The following FAM120B variants were observed in gnomAD, a reference collection of about 807,000 sequenced individuals.
FAM120B encodes family with sequence similarity 120 member B, also known as constitutive coactivator of peroxisome proliferator-activated receptor gamma.
FAM120B carries 83 observed loss-of-function variants against 96.3 expected under a neutral mutation model. The ratio of observed to expected loss-of-function variants is 0.86; its 90% confidence interval spans 0.72 to 1.03. FAM120B has a LOEUF of 1.03. Among genes scored for constraint, FAM120B ranks in the 50% least tolerant of loss-of-function variants. FAM120B has a pLI of 0.00. For missense variants in FAM120B, 1,027 were observed against 1,121.2 expected (o/e 0.92, Z 1.20); for synonymous variants, 407 against 402.7 (o/e 1.01, Z -0.13).
At chr6:170,341,360 C>G (rs910739332) in intron 4 of FAM120B, among the ~76,000 whole-genome samples, 1 of 152,192 alleles carries the variant, frequency 6.6e-6, no homozygotes, top group African/African-American at 2.4e-5. Context: ...CAAGCTCGAT[C>G]GTCCCAGGTC....
At chr6:170,358,013 C>T (rs1392156520) in intron 5 of FAM120B, among the ~76,000 whole-genome samples, 1 of 151,718 alleles carries the variant, frequency 6.6e-6, no homozygotes, top group East Asian at 1.9e-4. Context: ...TACATGTGTG[C>T]CCATGTGTGT....
intron 1 of FAM120B, among the ~76,000 whole-genome samples, chr6:170,307,169 C>G (rs77894025): frequency 2.6e-5 from 4 of 152,254 alleles, no homozygotes; most frequent in African/African-American, 4.8e-5. Context: ...TACTCCCTCC[C>G]TTAAGATGTG....
chr6:170,290,910 G>T, upstream of FAM120B: 2 of 694,958 alleles, frequency 2.9e-6, no homozygotes, highest in South Asian at 1.5e-5. The surrounding 1 kb of genome is among the most constrained non-coding windows in gnomAD (Gnocchi z 4.7). Flanking sequence ...GGGTCTCCGC[G>T]GGTGCGCGCA....
At chr6:170,347,737 G>T (rs1168053672) in intron 4 of FAM120B, among the ~76,000 whole-genome samples, 1 of 152,062 alleles carries the variant, frequency 6.6e-6, no homozygotes, top group African/African-American at 2.4e-5. Context: ...GCACATGAAA[G>T]GTTGAAAACC....
At chr6:170,321,309 G>A (rs1562525729) in intron 2 of FAM120B, among the ~76,000 whole-genome samples, 1 of 152,186 alleles carries the variant, frequency 6.6e-6, no homozygotes. Context: ...AAGGCTGTGG[G>A]CACAACAGTT....
At chr6:170,400,861 C>T (rs901811935) in intron 9 of FAM120B, among the ~76,000 whole-genome samples, 1 of 152,170 alleles carries the variant, frequency 6.6e-6, no homozygotes, top group South Asian at 2.1e-4. Context: ...CCATCTGCTT[C>T]TCCCAGGGCT....
At chr6:170,372,208 T>G (rs1013519361) in intron 6 of FAM120B, among the ~76,000 whole-genome samples, 1 of 152,224 alleles carries the variant, frequency 6.6e-6, no homozygotes, top group Non-Finnish European at 1.5e-5. Flanking sequence ...TTAAAATTTT[T>G]TTTAAGAATG....
At chr6:170,290,964 C>T, upstream of FAM120B, 4 of 701,096 alleles carry the variant, frequency 5.7e-6, no homozygotes, top group Admixed American at 4.0e-5. This position sits in a 1 kb window ranked among gnomAD's most constrained non-coding sequence, Gnocchi z 4.7. Context: ...TATATTCAGC[C>T]GGCCGCCCGC....
At chr6:170,374,928 A>C (rs1390128209) in intron 6 of FAM120B, among the ~76,000 whole-genome samples, 1 of 152,198 alleles carries the variant, frequency 6.6e-6, no homozygotes, top group Non-Finnish European at 1.5e-5. Flanking sequence ...TTTCTTGAGG[A>C]TAGGACTTCC....
At chr6:170,308,920 T>G (rs749889850) in intron 1 of FAM120B, among the ~76,000 whole-genome samples, 2 of 152,372 alleles carry the variant, frequency 1.3e-5, no homozygotes, top group Non-Finnish European at 2.9e-5. Flanking sequence ...ATGTCAGAGC[T>G]TAGTAACTCA....
chr6:170,322,830 C>T (rs926849390), intron 2 of FAM120B, among the ~76,000 whole-genome samples: 2 of 151,816 alleles, frequency 1.3e-5, no homozygotes, highest in African/African-American at 4.8e-5. Context: ...GGAGACAGAA[C>T]AGTGAGATAC....
intron 6 of FAM120B, among the ~76,000 whole-genome samples, chr6:170,380,147 C>T (rs1789818605): frequency 6.6e-6 from 1 of 152,144 alleles, no homozygotes; most frequent in Non-Finnish European, 1.5e-5. Flanking sequence ...GTGTTCTGCA[C>T]TTCCATCCGT....
intron 8 of FAM120B, among the ~76,000 whole-genome samples, chr6:170,392,240 T>C (rs1344923399): frequency 6.6e-6 from 1 of 152,134 alleles, no homozygotes; most frequent in Non-Finnish European, 1.5e-5. Context: ...GGAGTTTCAC[T>C]CTTGTTGCCC....
intron 4 of FAM120B, among the ~76,000 whole-genome samples, chr6:170,338,193 C>G (rs1786568987): frequency 6.6e-6 from 1 of 152,188 alleles, no homozygotes; most frequent in Non-Finnish European, 1.5e-5. Flanking sequence ...CATCTTAACA[C>G]TGCTTTAGCT....
intron 9 of FAM120B, among the ~76,000 whole-genome samples, chr6:170,398,189 C>G (rs1778303987): frequency 6.6e-6 from 1 of 152,274 alleles, no homozygotes; most frequent in Admixed American, 6.5e-5. Context: ...GCACTGAAAC[C>G]TTTCCATCAG....
chr6:170,403,035 A>G (rs1431289542), intron 9 of FAM120B, among the ~76,000 whole-genome samples: 1 of 152,206 alleles, frequency 6.6e-6, no homozygotes, highest in East Asian at 1.9e-4. Context: ...GAGATGTTAA[A>G]TGCTGAGTTT....
intron 6 of FAM120B, among the ~76,000 whole-genome samples, chr6:170,378,088 A>G (rs1356914525): frequency 6.6e-6 from 1 of 152,222 alleles, no homozygotes; most frequent in African/African-American, 2.4e-5. Context: ...TTTATATTTA[A>G]TACCTGATAG....
rs558209973 is a variant in FAM120B, at chr6:170,363,378, G to A, written c.2283+5060G>A. ...AGATTCCCCTGCATGTGGCTGCCTCGTACCCACCGCTGTCCCTGGTGTGCA... is the reference window on the plus strand; with the variant it reads ...AGATTCCCCTGCATGTGGCTGCCTCATACCCACCGCTGTCCCTGGTGTGCA... On this transcript the variant is annotated intron_variant, in intron 6 of 10. Coordinates refer to ENST00000476287, the MANE Select transcript of FAM120B (RefSeq NM_032448.3). This position sits in a 1 kb window ranked among gnomAD's most constrained non-coding sequence, Gnocchi z 4.5. Among the ~76,000 whole-genome samples the A allele has an allele frequency of 1.2e-4, 18 of 152,356 alleles. No homozygotes were observed. Among genetic ancestry groups the A allele is most frequent in the Middle Eastern group, 3.4e-3 (1 of 294 alleles).
In FAM120B at chr6:170,363,129, G is replaced by A. The variant is rs1788567924; in HGVS notation, c.2283+4811G>A. ...CATCACCCCTCCTCCTGCTGGCTTTGTCTCCAGCCCGCTCTCCAGGTGGAG... is the reference window on the plus strand; with the variant it reads ...CATCACCCCTCCTCCTGCTGGCTTTATCTCCAGCCCGCTCTCCAGGTGGAG... On this transcript the variant is annotated intron_variant, in intron 6 of 10. Coordinates refer to ENST00000476287, the MANE Select transcript of FAM120B (RefSeq NM_032448.3). This position sits in a 1 kb window ranked among gnomAD's most constrained non-coding sequence, Gnocchi z 4.5. 6.6e-6 allele frequency among the ~76,000 whole-genome samples: 1 copy of A among 152,102 alleles called. No homozygotes were observed. The highest frequency in any genetic ancestry group is 2.1e-4 in the South Asian group (1 of 4,824).
Sources: allele counts gnomAD v4.1 joint callset (sites outside exome capture counted in the v4.1 genomes callset), GRCh38; gene constraint gnomAD v4.1.1; non-coding constraint Gnocchi (gnomAD v3.1); transcripts MANE v1.5; gene names NCBI Gene and HGNC (gene_info 2026-07-23, HGNC 2026-07-21).